PLEKHA5: variants seen among roughly 807,000 people sequenced by gnomAD.
PLEKHA5 encodes the protein pleckstrin homology domain containing A5.
PLEKHA5 carries 55 observed loss-of-function variants against 181.9 expected under a neutral mutation model. The ratio of observed to expected loss-of-function variants is 0.30; its 90% confidence interval spans 0.24 to 0.38. PLEKHA5 has a LOEUF of 0.38. PLEKHA5 is among the 10% of genes least tolerant of loss of function. The probability of loss-of-function intolerance (pLI) is 1.00; values close to 1 mark genes in which losing one functional copy is unlikely to be tolerated. For missense variants in PLEKHA5, 1,432 were observed against 1,549.5 expected, an observed-to-expected ratio of 0.92 and a Z score of 1.27; for synonymous variants, 535 against 529.4, an observed-to-expected ratio of 1.01 and a Z score of -0.15.
At chr12:19,202,082 T>C (rs2054328033) in intron 3 of PLEKHA5, 3 of 728,100 alleles carry the variant, frequency 4.1e-6, no homozygotes, top group Non-Finnish European at 3.4e-6. Context: ...CCTACCTTTT[T>C]CCATATTTCT....
chr12:19,186,227 T>C (rs978352904), intron 3 of PLEKHA5, among the ~76,000 whole-genome samples: 1 of 152,224 alleles, frequency 6.6e-6, no homozygotes. Context: ...AAAATGACGA[T>C]ATATAGAAAT....
intron 15 of PLEKHA5, among the ~76,000 whole-genome samples, chr12:19,305,213 T>C (rs1187996734): frequency 1.3e-5 from 2 of 152,184 alleles, no homozygotes; most frequent in Admixed American, 6.5e-5. Flanking sequence ...CACAAGATCC[T>C]AGTAGATGTA....
chr12:19,267,380 G>A (rs531289931), intron 8 of PLEKHA5, among the ~76,000 whole-genome samples: 72 of 152,282 alleles, frequency 4.7e-4, no homozygotes, highest in African/African-American at 1.7e-3. Flanking sequence ...TGAGCAGGCC[G>A]GGCACAGGGG....
At chr12:19,158,598 G>T (rs2042305382) in intron 3 of PLEKHA5, among the ~76,000 whole-genome samples, 1 of 151,998 alleles carries the variant, frequency 6.6e-6, no homozygotes, top group Admixed American at 6.6e-5. Flanking sequence ...CCTAAAATTT[G>T]CTGTAAAAGA....
At chr12:19,364,693 A>T (rs2095368318) in intron 29 of PLEKHA5, among the ~76,000 whole-genome samples, 1 of 150,704 alleles carries the variant, frequency 6.6e-6, no homozygotes, top group African/African-American at 2.4e-5. Context: ...ACGGGATCTC[A>T]CTCTGTCGCC....
At chr12:19,209,822 A>G (rs1194087521) in intron 3 of PLEKHA5, among the ~76,000 whole-genome samples, 1 of 152,214 alleles carries the variant, frequency 6.6e-6, no homozygotes, top group Non-Finnish European at 1.5e-5. Flanking sequence ...AAGGAACAAT[A>G]ACATCTGCTT....
chr12:19,342,542 G>C (rs1009937011), intron 21 of PLEKHA5, among the ~76,000 whole-genome samples: 1 of 152,128 alleles, frequency 6.6e-6, no homozygotes, highest in Non-Finnish European at 1.5e-5. Flanking sequence ...TGTAATCCTA[G>C]CTACTCGGGA....
At chr12:19,142,539 GTATT>G (rs974898459) in intron 3 of PLEKHA5, among the ~76,000 whole-genome samples, 1 of 152,124 alleles carries the variant, frequency 6.6e-6, no homozygotes, top group Non-Finnish European at 1.5e-5. Flanking sequence ...AAACACATCT[GTATT>G]TATTTTGAAA....
intron 3 of PLEKHA5, among the ~76,000 whole-genome samples, chr12:19,171,898 G>A (rs941942681): frequency 2.0e-5 from 3 of 152,130 alleles, no homozygotes; most frequent in Admixed American, 6.5e-5. Flanking sequence ...CAGTATCACT[G>A]TATTCTACCA....
intron 3 of PLEKHA5, among the ~76,000 whole-genome samples, chr12:19,242,387 C>T (rs781233927): frequency 1.1e-4 from 17 of 151,896 alleles, no homozygotes; most frequent in Non-Finnish European, 1.8e-4. Context: ...TACAGATGGG[C>T]GCCACTGCAC....
chr12:19,178,674 T>G (rs1193829725), intron 3 of PLEKHA5, among the ~76,000 whole-genome samples: 1 of 152,202 alleles, frequency 6.6e-6, no homozygotes, highest in African/African-American at 2.4e-5. Context: ...GGGCAGAAAA[T>G]GGCAAAACTG....
intron 15 of PLEKHA5, chr12:19,303,343 A>ATC: frequency 6.6e-6 from 1 of 152,170 alleles, no homozygotes. Context: ...CTCACTACTC[A>ATC]TCTCTTTTCC....
intron 14 of PLEKHA5, 136 bp from the exon 15 acceptor site, chr12:19,291,508 T>C: frequency 1.9e-6 from 1 of 527,086 alleles, no homozygotes; most frequent in East Asian, 3.2e-5. Context: ...CAGGGGAGCA[T>C]GTGCGTGAAA....
chr12:19,203,396 T>G (rs910409139), intron 3 of PLEKHA5, among the ~76,000 whole-genome samples: 1 of 152,118 alleles, frequency 6.6e-6, no homozygotes, highest in African/African-American at 2.4e-5. Flanking sequence ...TCTTTCTTTC[T>G]TCCCATTGTT....
chr12:19,363,063 A>C (rs1381384207), intron 29 of PLEKHA5, among the ~76,000 whole-genome samples: 3 of 151,972 alleles, frequency 2.0e-5, no homozygotes, highest in Non-Finnish European at 4.4e-5. Flanking sequence ...AAGCTGTCTC[A>C]TAAGAGTTCC....
At chr12:19,205,933 A>G (rs1462468451) in intron 3 of PLEKHA5, among the ~76,000 whole-genome samples, 9 of 152,134 alleles carry the variant, frequency 5.9e-5, no homozygotes, top group Non-Finnish European at 1.3e-4. Context: ...ACATATTATT[A>G]AAAAGGTCGT....
chr12:19,129,893 A>G lies in PLEKHA5; in HGVS notation c.89+5A>G. ...CGGCCGAGTCTTCTTCATCAAGTAA[A>G]GAGCCGGGGACGGCACGGGGGCCCG... On this transcript the variant is annotated splice_donor_5th_base_variant and intron_variant, in intron 1 of 31. Transcript: ENST00000429027. 1 of 1,597,500 alleles carries G rather than the reference A, an allele frequency of 6.3e-7. No individual in the cohort carries two copies.
At chr12:19,320,684 G>A in intron 18 of PLEKHA5, 60 bp downstream of exon 18, 1 of 768,192 alleles carries the variant, frequency 1.3e-6, no homozygotes, top group Admixed American at 2.5e-5. Flanking sequence ...CAAAAACACT[G>A]GAAATAAGCA....
intron 20 of PLEKHA5, among the ~76,000 whole-genome samples, chr12:19,330,329 T>C (rs2092717587): frequency 6.6e-6 from 1 of 152,324 alleles, no homozygotes; most frequent in African/African-American, 2.4e-5. Context: ...AAAATATGGA[T>C]AGCTTTATAA....
Sources: allele counts gnomAD v4.1 joint callset (sites outside exome capture counted in the v4.1 genomes callset), GRCh38; gene constraint gnomAD v4.1.1; transcripts MANE v1.5; gene names NCBI Gene and HGNC (gene_info 2026-07-23, HGNC 2026-07-21).